ZNF618: variants seen among roughly 807,000 people sequenced by gnomAD.
ZNF618 encodes the protein zinc finger protein 618, also known as neural precursor cell expressed, developmentally down-regulated 10.
In ZNF618, 34 loss-of-function variants were observed where a neutral mutation model predicts 103.0. The observed-to-expected ratio is 0.33, with a 90% CI of 0.25 to 0.44. The LOEUF is 0.44. ZNF618 is among the 20% of genes least tolerant of loss of function. ZNF618 has a pLI of 1.00. For synonymous variants in ZNF618, 551 were observed against 542.2 expected (o/e 1.02, Z -0.23); for missense variants, 1,059 against 1,295.4 (o/e 0.82, Z 2.80).
rs557610125 is a variant in ZNF618, at chr9:114,049,509, C to T, written c.2207C>T (p.Ala736Val). Residue 736 changes from alanine (A) to valine (V), a missense_variant, in exon 15 of 15, where the codon GCG becomes GTG. Around this residue, in one of 6 missense-constraint regions of ZNF618, gnomAD observed 272 missense variants for 380.1 expected, o/e 0.72. Coordinates refer to ENST00000374126, the MANE Select transcript of ZNF618 (RefSeq NM_001318042.2). ...AACAAGCACCTGCTCAGCAACCTGG[C>T]GGCCATCCTGACGCCGGTGAAGCAG... ...SLNKHLLSNLAAILTPVKQAV... is the reference protein window; with the variant it reads ...SLNKHLLSNLVAILTPVKQAV... 27 of 1,613,496 alleles carry T rather than the reference C, an allele frequency of 1.7e-5. No homozygotes were observed. Among genetic ancestry groups the T allele is most frequent in the South Asian group, 9.9e-5 (9 of 90,990 alleles).
intron 1 of ZNF618, among the ~76,000 whole-genome samples, chr9:113,940,431 G>C (rs1834440773): frequency 6.6e-6 from 1 of 151,966 alleles, no homozygotes; most frequent in African/African-American, 2.4e-5. Context: ...TCCATTTCTG[G>C]AAAGTATGCT....
chr9:113,917,534 G>T (rs763684939), intron 1 of ZNF618, among the ~76,000 whole-genome samples: 1 of 151,704 alleles, frequency 6.6e-6, no homozygotes, highest in Non-Finnish European at 1.5e-5. Context: ...GGTTATAGGC[G>T]TGAGCCACCG....
chr9:113,889,619 G>T (rs1353034186), intron 1 of ZNF618, among the ~76,000 whole-genome samples: 6 of 152,158 alleles, frequency 3.9e-5, no homozygotes, highest in Non-Finnish European at 7.4e-5. Context: ...GCTTTACATT[G>T]AGCATGTAGG....
At chr9:113,934,178 C>T (rs1358996330) in intron 1 of ZNF618, among the ~76,000 whole-genome samples, 3 of 152,084 alleles carry the variant, frequency 2.0e-5, no homozygotes, top group African/African-American at 2.4e-5. Flanking sequence ...CACGGGCACA[C>T]GGTGTCTAGA....
intron 1 of ZNF618, among the ~76,000 whole-genome samples, chr9:113,939,273 T>C (rs1461490519): frequency 1.3e-5 from 2 of 151,950 alleles, no homozygotes; most frequent in Admixed American, 6.6e-5. Context: ...TGATCAGTGG[T>C]TTTTTTGTTT....
At chr9:113,917,392 G>A (rs996355396) in intron 1 of ZNF618, among the ~76,000 whole-genome samples, 17 of 151,358 alleles carry the variant, frequency 1.1e-4, no homozygotes, top group Admixed American at 7.2e-4. Context: ...GACTACAGGC[G>A]TGTGCCACCA....
At chr9:113,987,906 A>G (rs113737074) in intron 2 of ZNF618, among the ~76,000 whole-genome samples, 1,013 of 96,376 alleles carry the variant, frequency 0.011, 11 homozygotes, top group African/African-American at 0.032. Context: ...TTTTTTCAAG[A>G]TCCCCCCCAG....
intron 1 of ZNF618, among the ~76,000 whole-genome samples, chr9:113,957,192 C>T (rs1441702746): frequency 2.6e-5 from 4 of 152,186 alleles, no homozygotes; most frequent in Non-Finnish European, 5.9e-5. Flanking sequence ...TTACCACCAT[C>T]AATGTAATCT....
At chr9:113,953,073 C>T (rs148549087) in intron 1 of ZNF618, among the ~76,000 whole-genome samples, 1 of 152,142 alleles carries the variant, frequency 6.6e-6, no homozygotes, top group African/African-American at 2.4e-5. Context: ...AACTCTGCTC[C>T]CAGGGTCTAC....
intron 1 of ZNF618, among the ~76,000 whole-genome samples, chr9:113,951,597 G>GTGTA (rs1554733193): frequency 4.4e-4 from 23 of 51,962 alleles, no homozygotes; most frequent in African/African-American, 1.2e-3. Flanking sequence ...GTGTGTGTGT[G>GTGTA]TATATATATG....
At chr9:114,032,782 T>TC (rs954153857) in intron 12 of ZNF618, 54 bp downstream of exon 12, 1 of 1,521,882 alleles carries the variant, frequency 6.6e-7, no homozygotes, top group Non-Finnish European at 9.1e-7. Context: ...CTTCGCCCGC[T>TC]CCCCCCTGGC....
Position 114,054,315 on chromosome 9 carries a change from G to C in ZNF618, c.*4148G>C, listed in dbSNP as rs1846324933. On this transcript the variant is annotated 3_prime_UTR_variant, in exon 15 of 15. Coordinates refer to ENST00000374126, the MANE Select transcript of ZNF618 (RefSeq NM_001318042.2). Reference sequence around the variant, plus strand: ...AGGTTTGAAATGAAGATGGGATGTGGCTGGAACAGCCTGTGAGATGGCTCC... The same window carrying C: ...AGGTTTGAAATGAAGATGGGATGTGCCTGGAACAGCCTGTGAGATGGCTCC... 1 of 152,318 alleles carries C rather than the reference G, an allele frequency of 6.6e-6. No homozygotes were observed. Among genetic ancestry groups the C allele is most frequent in the Non-Finnish European group, 1.5e-5 (1 of 68,116 alleles). 9.4% of individuals were successfully genotyped at this position (152,318 alleles called of 1,614,324 possible).
At position 114,007,430 on chromosome 9, in the gene ZNF618, G is replaced by T. The variant is rs1405669998; in HGVS notation, c.631G>T (p.Ala211Ser). 1.2e-6 allele frequency: 2 copies of T among 1,613,066 alleles called. No individual in the cohort carries two copies. Among genetic ancestry groups the T allele is most frequent in the Non-Finnish European group, 1.7e-6 (2 of 1,179,732 alleles). The change falls in exon 7 of 15, where the codon GCA becomes TCA. Residue 211 changes from alanine to serine, a missense_variant. By Grantham distance (99) the Ala-to-Ser change is moderately conservative (BLOSUM62 1). This residue lies in a region of ZNF618 where 434 missense variants were observed against 476.0 expected (regional missense o/e 0.91). Coordinates refer to ENST00000374126, the MANE Select transcript of ZNF618 (RefSeq NM_001318042.2). The part of the protein sequence containing the change: ...SCFQEHRDLH[A>S]VDVFSVEGAP... ...TTTCCAAGAGCACCGAGACCTGCAC[G>T]CAGTGGATGGTGAGTCAGGCCCCTC... is the stretch of plus-strand genomic sequence containing the variant.
intron 1 of ZNF618, among the ~76,000 whole-genome samples, chr9:113,933,565 G>A (rs1209737514): frequency 6.6e-6 from 1 of 152,172 alleles, no homozygotes; most frequent in Admixed American, 6.5e-5. Context: ...TTTGAGGTTT[G>A]AGGAGAGAGG....
intron 1 of ZNF618, among the ~76,000 whole-genome samples, chr9:113,944,712 A>G (rs1465053788): frequency 6.6e-6 from 1 of 151,986 alleles, no homozygotes; most frequent in Non-Finnish European, 1.5e-5. Context: ...TTTTCATAAC[A>G]TATTTTATTG....
chr9:113,962,346 A>AC (rs1345004890), intron 1 of ZNF618, among the ~76,000 whole-genome samples: 2 of 152,060 alleles, frequency 1.3e-5, no homozygotes, highest in East Asian at 3.9e-4. Flanking sequence ...TTTTCCCTGG[A>AC]CTGCTCCGTA....
At chr9:114,021,693 C>T (rs977658918) in intron 10 of ZNF618, among the ~76,000 whole-genome samples, 2 of 152,090 alleles carry the variant, frequency 1.3e-5, no homozygotes, top group African/African-American at 4.8e-5. Flanking sequence ...ATACCCATCA[C>T]CCCCAACAGT....
intron 1 of ZNF618, among the ~76,000 whole-genome samples, chr9:113,891,321 TA>T (rs1035666938): frequency 1.3e-5 from 2 of 152,084 alleles, no homozygotes; most frequent in Non-Finnish European, 2.9e-5. Context: ...ATAACTCCAT[TA>T]AAAAATGGGC....
chr9:113,888,851 A>G (rs1045793006), intron 1 of ZNF618, among the ~76,000 whole-genome samples: 2 of 152,196 alleles, frequency 1.3e-5, no homozygotes, highest in South Asian at 4.1e-4. Context: ...TCAGAGGGCA[A>G]TTGGAAGTAT....
Sources: gnomAD v4.1 joint callset for allele counts (sites outside exome capture counted in the v4.1 genomes callset) on GRCh38, gnomAD v4.1.1 for gene constraint, gnomAD v4.1.1 regional missense constraint, MANE v1.5 for transcripts, NCBI Gene and HGNC (gene_info 2026-07-23, HGNC 2026-07-21) for gene names.